The following ERC1 variants were observed in gnomAD, a reference collection of about 807,000 sequenced individuals.
ERC1 encodes the protein ELKS/RAB6-interacting/CAST family member 1, also known as RAB6 interacting protein 2.
ERC1 carries 56 observed loss-of-function variants against 132.0 expected under a neutral mutation model. The observed-to-expected ratio is 0.42, with a 90% confidence interval of 0.34 to 0.53. The LOEUF (loss-of-function observed/expected upper bound fraction) is 0.53. Among genes scored for constraint, ERC1 ranks in the 20% least tolerant of loss-of-function variants. The probability of loss-of-function intolerance (pLI) is 0.03; values close to 1 mark genes in which losing one functional copy is unlikely to be tolerated. For missense variants in ERC1, 1,202 were observed against 1,349.9 expected (o/e 0.89, Z 1.72); for synonymous variants, 478 against 476.1 (o/e 1.00, Z -0.05).
rs57016547 is a variant in ERC1, at chr12:1,241,847, C to CTTTTT, written c.2487+4966_2487+4970dup. ...CCAATTTTTTGCATTTCTTCTTCTT[C>CTTTTT]TTTTTTTTTTTTTTTTTTTTTTTTT... On this transcript the variant is annotated intron_variant, in intron 13 of 18. Coordinates refer to ENST00000360905, the MANE Select transcript of ERC1 (RefSeq NM_178040.4). Among the ~76,000 whole-genome samples the CTTTTT allele has an allele frequency of 1.3e-3, 102 of 80,512 alleles. 2 individuals are homozygous for CTTTTT. The highest frequency in any genetic ancestry group is 2.6e-3 in the East Asian group (7 of 2,668). The allele number at this position is 80,512 out of a possible 152,430, so 52.8% of individuals were successfully genotyped here.
rs1967253206 is a variant in ERC1, at chr12:1,028,290, C to T, written c.387C>T (p.His129=). ...ACACCATAGCATTTGGAGAGCATCA[C>T]CTCCCTCCTGTGAGTATGGCATCCA... ...ASDTIAFGEH[H]LPPVSMASTV... The change falls in exon 2 of 19, where the codon CAC becomes CAT. Residue 129 remains histidine, a synonymous_variant. Coordinates refer to ENST00000360905, the MANE Select transcript of ERC1 (RefSeq NM_178040.4). 6.2e-7 allele frequency: 1 copy of T among 1,614,030 alleles called. No individual in the cohort carries two copies. Among genetic ancestry groups the T allele is most frequent in the African/African-American group, 1.3e-5 (1 of 74,904 alleles).
chr12:1,324,424 C>G (rs555498363), intron 15 of ERC1, among the ~76,000 whole-genome samples: 48 of 152,280 alleles, frequency 3.2e-4, no homozygotes, highest in Admixed American at 1.4e-3. Context: ...AACAGGTAGA[C>G]TTTGCTGGAT....
chr12:1,272,309 T>A (rs1418145061), intron 14 of ERC1, among the ~76,000 whole-genome samples: 3 of 152,226 alleles, frequency 2.0e-5, no homozygotes, highest in Non-Finnish European at 4.4e-5. Context: ...GGGGAGGCAC[T>A]GCTCTCACTG....
intron 1 of ERC1, among the ~76,000 whole-genome samples, chr12:1,017,186 G>A (rs1364909890): frequency 3.3e-5 from 5 of 151,764 alleles, no homozygotes; most frequent in East Asian, 1.9e-4. Flanking sequence ...TAGTAGAGAC[G>A]GGGTTTCACC....
rs367850061 is a variant in ERC1 at position 1,277,407 on chromosome 12, A to G, written c.2620-12445A>G. Reference sequence around the variant, plus strand: ...GGTAAATTTGACATTAGGTTTTTCAAGATTTGCCTCATCTTTCCCGGACTT... The same window carrying G: ...GGTAAATTTGACATTAGGTTTTTCAGGATTTGCCTCATCTTTCCCGGACTT... On this transcript the variant is annotated intron_variant, in intron 14 of 18. Transcript: ENST00000360905. Among the ~76,000 whole-genome samples, 9 of 152,350 alleles carry G rather than the reference A, an allele frequency of 5.9e-5. No individual in the cohort carries two copies. The East Asian group carries it at 1.7e-3, about 29-fold the overall frequency.
intron 17 of ERC1, among the ~76,000 whole-genome samples, chr12:1,412,049 G>A (rs983446846): frequency 2.0e-5 from 3 of 152,196 alleles, no homozygotes; most frequent in Admixed American, 2.0e-4. Context: ...CCATGCAATT[G>A]CAATTAGCCA....
At chr12:1,432,386 G>C (rs1453889799) in intron 17 of ERC1, among the ~76,000 whole-genome samples, 1 of 152,198 alleles carries the variant, frequency 6.6e-6, no homozygotes, top group Admixed American at 6.5e-5. Context: ...TGCTTATCTG[G>C]TTCTTGTTGT....
rs559230734 is a variant in ERC1 at position 1,213,446 on chromosome 12, G to A, written c.2352-23323G>A. The stretch of plus-strand genomic sequence containing the variant: ...GTCGAAACTTGCTTTCAGAGGAGTT[G>A]AGTTTTAAGACCGGGTGCGGTGGCT... On this transcript the variant is annotated intron_variant, in intron 12 of 18. Transcript: ENST00000360905. Among the ~76,000 whole-genome samples the A allele has an allele frequency of 3.3e-5, 5 of 152,100 alleles. No individual in the cohort carries two copies. The South Asian group carries it at 1.0e-3, about 32-fold the overall frequency.
chr12:1,402,088 A>G (rs1462143682), intron 16 of ERC1, among the ~76,000 whole-genome samples: 3 of 152,226 alleles, frequency 2.0e-5, no homozygotes, highest in Non-Finnish European at 2.9e-5. Flanking sequence ...AGATTTTGCA[A>G]ATTAGAAAAT....
chr12:1,156,133 A>T (rs2968883), intron 8 of ERC1, among the ~76,000 whole-genome samples: 7,892 of 152,200 alleles, frequency 0.052, 671 homozygotes, highest in African/African-American at 0.18. Flanking sequence ...ATCTCATCTT[A>T]AAAAATATCT....
intron 1 of ERC1, among the ~76,000 whole-genome samples, chr12:1,009,422 C>T (rs564270848): frequency 1.3e-5 from 2 of 152,314 alleles, no homozygotes; most frequent in Non-Finnish European, 2.9e-5. Context: ...GATCCGCCCA[C>T]CTCGGCCTCC....
chr12:1,249,946 CCT>C (rs2076372921), intron 13 of ERC1, among the ~76,000 whole-genome samples: 1 of 152,156 alleles, frequency 6.6e-6, no homozygotes, highest in South Asian at 2.1e-4. Context: ...GCTCTCATGA[CCT>C]AATGACCTCC....
At chr12:1,180,466 GA>G in intron 8 of ERC1, 73 bp from the exon 9 acceptor site, 1 of 1,391,728 alleles carries the variant, frequency 7.2e-7, no homozygotes, top group East Asian at 2.4e-5. Flanking sequence ...TTTTCAAATT[GA>G]AATGATTTTG....
intron 15 of ERC1, among the ~76,000 whole-genome samples, chr12:1,300,290 T>A (rs1334393542): frequency 6.6e-6 from 1 of 152,284 alleles, no homozygotes; most frequent in Middle Eastern, 3.4e-3. Flanking sequence ...CTGGACTCTT[T>A]CCTTACACCA....
intron 8 of ERC1, among the ~76,000 whole-genome samples, chr12:1,164,740 A>G (rs1319815391): frequency 6.6e-6 from 1 of 152,166 alleles, no homozygotes; most frequent in African/African-American, 2.4e-5. Flanking sequence ...AGTATGTGAG[A>G]TGGAAGACAT....
Position 1,174,494 on chromosome 12 carries a change from G to C in ERC1, c.1738-6046G>C, listed in dbSNP as rs76340281. On this transcript the variant is annotated intron_variant, in intron 8 of 18. Transcript: ENST00000360905. ...CATTTTACCTGTTTCAGCAGCTTCT[G>C]CACCTGAGTATATCAGCAGAAGTGT... Among the ~76,000 whole-genome samples, 792 of 152,334 alleles carry C rather than the reference G, an allele frequency of 5.2e-3. 11 individuals carry two copies. Among genetic ancestry groups the C allele is most frequent in the African/African-American group, 0.018 (747 of 41,574 alleles).
intron 15 of ERC1, among the ~76,000 whole-genome samples, chr12:1,322,275 C>T (rs2082166926): frequency 6.6e-6 from 1 of 152,126 alleles, no homozygotes; most frequent in Admixed American, 6.5e-5. Context: ...AGATAGTAGG[C>T]TCTCACTACA....
chr12:1,228,670 A>C (rs77501512), intron 12 of ERC1, among the ~76,000 whole-genome samples: 2 of 152,146 alleles, frequency 1.3e-5, no homozygotes, highest in Non-Finnish European at 2.9e-5. Flanking sequence ...TGGGCTAATC[A>C]TATATGGCCT....
At chr12:1,044,337 C>CAA (rs1970749271) in intron 2 of ERC1, among the ~76,000 whole-genome samples, 1 of 152,156 alleles carries the variant, frequency 6.6e-6, no homozygotes, top group Non-Finnish European at 1.5e-5. Context: ...TCACTTTGAT[C>CAA]ATAATGCCCA....
Sources: gnomAD v4.1 joint callset for allele counts (sites outside exome capture counted in the v4.1 genomes callset) on GRCh38, gnomAD v4.1.1 for gene constraint, MANE v1.5 for transcripts, NCBI Gene and HGNC (gene_info 2026-07-23, HGNC 2026-07-21) for gene names.